TNFRSF19: variants seen among roughly 807,000 people sequenced by gnomAD.
TNFRSF19 encodes the protein TNF receptor superfamily member 19, also known as tumor necrosis factor receptor superfamily member 19.
A neutral mutation model predicts 46.4 loss-of-function variants in TNFRSF19; 27 were observed. The ratio of observed to expected loss-of-function variants is 0.58; its 90% CI spans 0.43 to 0.80. The LOEUF is 0.80. TNFRSF19 is among the 30% of genes least tolerant of loss of function. The pLI, the probability that TNFRSF19 is intolerant of heterozygous loss-of-function variation, is 0.00. For missense variants in TNFRSF19, 511 were observed against 530.8 expected, an observed-to-expected ratio of 0.96 and a Z score of 0.37; for synonymous variants, 204 against 205.0, an observed-to-expected ratio of 1.00 and a Z score of 0.04.
At chr13:23,589,597 TCACTAG>T (rs745885314) in intron 1 of TNFRSF19, among the ~76,000 whole-genome samples, 4 of 152,196 alleles carry the variant, frequency 2.6e-5, no homozygotes, top group Non-Finnish European at 4.4e-5. Context: ...GCTGTGCCTC[TCACTAG>T]CAATGTGACC....
At chr13:23,615,186 A>G (rs1269307681) in intron 3 of TNFRSF19, among the ~76,000 whole-genome samples, 1 of 152,180 alleles carries the variant, frequency 6.6e-6, no homozygotes, top group African/African-American at 2.4e-5. Context: ...GAACTTGTGG[A>G]AATGATTGTA....
intron 5 of TNFRSF19, among the ~76,000 whole-genome samples, chr13:23,630,148 A>T (rs1882258262): frequency 6.6e-6 from 1 of 151,944 alleles, no homozygotes; most frequent in Non-Finnish European, 1.5e-5. Flanking sequence ...CACAAAAAAT[A>T]AAAAATTAGC....
rs1219492190 is a variant in TNFRSF19 at position 23,668,117 on chromosome 13, C to T, written c.839+35C>T. 3 of 1,528,832 alleles carry T rather than the reference C, an allele frequency of 2.0e-6. No individual in the cohort carries two copies. In the South Asian group the frequency reaches 3.6e-5, roughly 19 times the overall value. The allele number at this position is 1,528,832 out of a possible 1,614,324, so 94.7% of individuals were successfully genotyped here. ...TGCTTTCAATCAATCATTTCATAAC[C>T]CCCTGTGCAAATATGCATTCTACTA... On this transcript the variant is annotated intron_variant, in intron 8 of 9. Coordinates refer to ENST00000248484, the MANE Select transcript of TNFRSF19 (RefSeq NM_148957.4).
intron 5 of TNFRSF19, among the ~76,000 whole-genome samples, chr13:23,639,317 C>G (rs774282334): frequency 5.3e-5 from 8 of 152,130 alleles, no homozygotes; most frequent in African/African-American, 1.9e-4. Context: ...CATTTGAACC[C>G]GGGAGGCAGA....
At chr13:23,574,109 A>T (rs1052477280) in intron 1 of TNFRSF19, among the ~76,000 whole-genome samples, 1 of 151,702 alleles carries the variant, frequency 6.6e-6, no homozygotes, top group Non-Finnish European at 1.5e-5. Context: ...TGTGTGAAAA[A>T]TTTTAATTTA....
chr13:23,612,785 A>G (rs758405638), intron 3 of TNFRSF19, among the ~76,000 whole-genome samples: 1 of 152,252 alleles, frequency 6.6e-6, no homozygotes, highest in African/African-American at 2.4e-5. Flanking sequence ...TTGCCAAAAA[A>G]TAACCACAAA....
chr13:23,604,686 G>A (rs1327867947), intron 3 of TNFRSF19, among the ~76,000 whole-genome samples: 1 of 152,124 alleles, frequency 6.6e-6, no homozygotes, highest in Non-Finnish European at 1.5e-5. Flanking sequence ...AGAGAGCCCA[G>A]GAATAGACCC....
chr13:23,639,108 T>G (rs1403731728), intron 5 of TNFRSF19, among the ~76,000 whole-genome samples: 2 of 152,184 alleles, frequency 1.3e-5, no homozygotes, highest in Non-Finnish European at 2.9e-5. Flanking sequence ...AAGGAAATTT[T>G]AAGGCCAGGT....
intron 1 of TNFRSF19, among the ~76,000 whole-genome samples, chr13:23,589,014 C>G (rs1263460550): frequency 6.6e-6 from 1 of 152,168 alleles, no homozygotes; most frequent in African/African-American, 2.4e-5. Flanking sequence ...AGCTCTGCCC[C>G]CTCTGCCTCC....
intron 3 of TNFRSF19, among the ~76,000 whole-genome samples, chr13:23,602,661 T>C (rs1268558991): frequency 6.6e-6 from 1 of 152,146 alleles, no homozygotes; most frequent in Non-Finnish European, 1.5e-5. Flanking sequence ...GTATAGTGTC[T>C]GCTGTCAGAT....
rs146969760 is a variant in TNFRSF19, at chr13:23,624,568, T to C, written c.360-2139T>C. ...TACTACATTATGCAGTTTCACAAGA[T>C]AATTGCATCTACCTGTCCTTTGTAG... On this transcript the variant is annotated intron_variant, in intron 4 of 9. Transcript: ENST00000248484. Among the ~76,000 whole-genome samples the C allele has an allele frequency of 2.8e-4, 42 of 152,304 alleles. No homozygotes were observed. In the East Asian group the frequency reaches 4.4e-3, roughly 16 times the overall value.
chr13:23,651,913 A>T (rs987651596), intron 5 of TNFRSF19, among the ~76,000 whole-genome samples: 10 of 150,346 alleles, frequency 6.7e-5, no homozygotes, highest in African/African-American at 2.4e-4. Context: ...AAAAAAAAAA[A>T]AAAGCATAAG....
At chr13:23,626,655 C>G (rs79042385) in intron 4 of TNFRSF19, 52 bp from the exon 5 acceptor site, 43,085 of 1,570,508 alleles carry the variant, frequency 0.027, 1,409 homozygotes, top group African/African-American at 0.15. Context: ...ATGACCACAA[C>G]TGTAAGCTTA....
intron 5 of TNFRSF19, among the ~76,000 whole-genome samples, chr13:23,644,547 C>A (rs1883219031): frequency 6.6e-6 from 1 of 152,166 alleles, no homozygotes; most frequent in African/African-American, 2.4e-5. Flanking sequence ...AACCTCTTTC[C>A]TTTGTAAATT....
rs377263312 is a variant in TNFRSF19 at position 23,572,332 on chromosome 13, AT to A, written c.-35+1493del. On this transcript the variant is annotated intron_variant, in intron 1 of 9. Coordinates refer to ENST00000248484, the MANE Select transcript of TNFRSF19 (RefSeq NM_148957.4). ...TATCCTGCAATATCGGTTTAGTTTG[AT>A]TTTTTTTTAATTTGTTTGCTTAAAA... 5.6e-3 allele frequency among the ~76,000 whole-genome samples: 841 copies of A among 151,356 alleles called. 7 individuals carry two copies. Among genetic ancestry groups the A allele is most frequent in the Non-Finnish European group, 8.9e-3 (603 of 67,746 alleles).
At chr13:23,657,334 T>C (rs925421132) in intron 5 of TNFRSF19, among the ~76,000 whole-genome samples, 1 of 152,172 alleles carries the variant, frequency 6.6e-6, no homozygotes, top group Non-Finnish European at 1.5e-5. Context: ...ACGATCTTAT[T>C]GGGAGTGAGG....
Position 23,640,159 on chromosome 13 carries a change from G to A in TNFRSF19, c.445+13367G>A, listed in dbSNP as rs569274899. ...CTCTGTTATAAAACATGCTGTGGGAGGCTGTTTGTGTAGTTGGAGGAGGTT... is the reference window on the plus strand; with the variant it reads ...CTCTGTTATAAAACATGCTGTGGGAAGCTGTTTGTGTAGTTGGAGGAGGTT... On this transcript the variant is annotated intron_variant, in intron 5 of 9. Transcript: ENST00000248484. Among the ~76,000 whole-genome samples, 423 of 152,288 alleles carry A rather than the reference G, an allele frequency of 2.8e-3. 4 individuals are homozygous for A. Among genetic ancestry groups the A allele is most frequent in the Non-Finnish European group, 3.9e-3 (264 of 68,032 alleles).
intron 3 of TNFRSF19, among the ~76,000 whole-genome samples, chr13:23,607,844 T>C (rs575792707): frequency 6.6e-6 from 1 of 152,342 alleles, no homozygotes; most frequent in East Asian, 1.9e-4. Flanking sequence ...ACCTGTGCCT[T>C]AAAACTAAAG....
rs1020903093 is a variant in TNFRSF19, at chr13:23,673,709, A to G, written c.*329A>G. The G allele has an allele frequency of 1.9e-5, 7 of 374,630 alleles. No individual in the cohort carries two copies. Among genetic ancestry groups the G allele is most frequent in the Non-Finnish European group, 3.0e-5 (7 of 233,596 alleles). The allele number at this position is 374,630 out of a possible 1,614,324, so 23.2% of individuals were successfully genotyped here. ...CCTATGAGATTGTGGACATATAACAAGAAACAGAAATGCCCTCATGCTTAT... is the reference window on the plus strand; with the variant it reads ...CCTATGAGATTGTGGACATATAACAGGAAACAGAAATGCCCTCATGCTTAT... On this transcript the variant is annotated 3_prime_UTR_variant, in exon 10 of 10. Transcript: ENST00000248484.
Sources: allele counts gnomAD v4.1 joint callset (sites outside exome capture counted in the v4.1 genomes callset), GRCh38; gene constraint gnomAD v4.1.1; transcripts MANE v1.5; gene names NCBI Gene and HGNC (gene_info 2026-07-23, HGNC 2026-07-21).